The following CDC73 variants were observed in gnomAD, a reference collection of about 807,000 sequenced individuals.
The protein encoded by CDC73 is parafibromin.
A neutral mutation model predicts 83.7 loss-of-function variants in CDC73; 21 were observed. That is an observed-to-expected ratio of 0.25 (90% confidence interval 0.18 to 0.36). The LOEUF (loss-of-function observed/expected upper bound fraction) is 0.36. Ranked by LOEUF, CDC73 falls within the 10% of genes least tolerant of loss-of-function variation. The probability of loss-of-function intolerance (pLI) is 1.00; values close to 1 mark genes in which losing one functional copy is unlikely to be tolerated. For synonymous variants in CDC73, 224 were observed against 212.9 expected (o/e 1.05, Z -0.45); for missense variants, 342 against 653.3 (o/e 0.52, Z 5.19).
At chr1:193,182,285 C>G (rs1374180769) in intron 10 of CDC73, among the ~76,000 whole-genome samples, 4 of 152,088 alleles carry the variant, frequency 2.6e-5, no homozygotes, top group African/African-American at 9.7e-5. Flanking sequence ...CTAGTAACTT[C>G]AGTGTAGGAT....
chr1:193,153,264 C>T (rs955098428), intron 10 of CDC73, among the ~76,000 whole-genome samples: 7 of 152,088 alleles, frequency 4.6e-5, no homozygotes, highest in African/African-American at 1.7e-4. Context: ...CCATATTTAA[C>T]ATTTTAAATT....
chr1:193,240,733 A>G (rs1187097492), intron 15 of CDC73, among the ~76,000 whole-genome samples: 1 of 152,016 alleles, frequency 6.6e-6, no homozygotes, highest in African/African-American at 2.4e-5. Context: ...TTTCTTGCAT[A>G]TTAGTCCCTT....
intron 10 of CDC73, among the ~76,000 whole-genome samples, chr1:193,158,483 G>A (rs911118044): frequency 1.4e-5 from 2 of 145,512 alleles, no homozygotes; most frequent in Non-Finnish European, 1.5e-5. Context: ...GCAAAGCAGC[G>A]AGACCCTGTC....
rs987442471 is a variant in CDC73 at position 193,140,125 on chromosome 1, C to T, written c.513-1725C>T. Reference sequence around the variant, plus strand: ...GCTCAGCTCTACATGGGTTCTCCTCCCAAGGCCATGTCTTGGAAACTTACA... The same window carrying T: ...GCTCAGCTCTACATGGGTTCTCCTCTCAAGGCCATGTCTTGGAAACTTACA... On this transcript the variant is annotated intron_variant, in intron 6 of 16. Coordinates refer to ENST00000367435, the MANE Select transcript of CDC73 (RefSeq NM_024529.5). Among the ~76,000 whole-genome samples, 81 of 152,148 alleles carry T rather than the reference C, an allele frequency of 5.3e-4. 1 individual carries two copies. Among genetic ancestry groups the T allele is most frequent in the African/African-American group, 1.8e-3 (74 of 41,428 alleles).
At chr1:193,132,273 C>T (rs567663805) in intron 3 of CDC73, among the ~76,000 whole-genome samples, 1 of 152,134 alleles carries the variant, frequency 6.6e-6, no homozygotes, top group Non-Finnish European at 1.5e-5. Context: ...CCTATGCTGT[C>T]CTCATTCAAT....
intron 13 of CDC73, among the ~76,000 whole-genome samples, chr1:193,216,225 G>T (rs1047654685): frequency 5.9e-5 from 9 of 151,996 alleles, no homozygotes; most frequent in African/African-American, 2.2e-4. Context: ...ACAGAGAAAA[G>T]ATCCCAATAA....
At chr1:193,204,978 AT>A (rs201809243) in intron 11 of CDC73, among the ~76,000 whole-genome samples, 31 of 151,424 alleles carry the variant, frequency 2.0e-4, no homozygotes, top group East Asian at 7.7e-4. Flanking sequence ...ATTCTGTATC[AT>A]TTTTTTTTAA....
rs1434633784 is a variant in CDC73, at chr1:193,253,584, A to G, written c.*2872A>G. On this transcript the variant is annotated 3_prime_UTR_variant, in exon 17 of 17. Coordinates refer to ENST00000367435, the MANE Select transcript of CDC73 (RefSeq NM_024529.5). ...ATGTATTTCATTATTAACTAGTATT[A>G]TAGTTTGTTTTTTTCCCATGTCTCC... 8.6e-6 allele frequency: 2 copies of G among 231,862 alleles called. No homozygotes were observed. Among genetic ancestry groups the G allele is most frequent in the Non-Finnish European group, 1.7e-5 (2 of 117,326 alleles). 14.4% of individuals were successfully genotyped at this position (231,862 alleles called of 1,614,324 possible).
chr1:193,129,226 G>A (rs1048118043), intron 2 of CDC73, among the ~76,000 whole-genome samples: 2 of 151,882 alleles, frequency 1.3e-5, no homozygotes, highest in Admixed American at 1.3e-4. Context: ...TTGAACTCCC[G>A]ACCTCATGAT....
At chr1:193,185,091 T>C (rs373692403) in intron 10 of CDC73, among the ~76,000 whole-genome samples, 1 of 152,088 alleles carries the variant, frequency 6.6e-6, no homozygotes, top group Admixed American at 6.6e-5. Flanking sequence ...CATATTAATA[T>C]AGCCTGGAAG....
At chr1:193,188,934 CCTCTTT>C (rs1426511745) in intron 10 of CDC73, among the ~76,000 whole-genome samples, 1 of 151,910 alleles carries the variant, frequency 6.6e-6, no homozygotes, top group African/African-American at 2.4e-5. Flanking sequence ...ACAGCTGCAA[CCTCTTT>C]CTTTCTGTCT....
At chr1:193,177,242 GGCCGGGC>G (rs1351753251) in intron 10 of CDC73, among the ~76,000 whole-genome samples, 1 of 150,864 alleles carries the variant, frequency 6.6e-6, no homozygotes, top group Non-Finnish European at 1.5e-5. Flanking sequence ...CATGATCCTC[GGCCGGGC>G]GCGGTGGCTC....
chr1:193,188,427 G>A (rs749729619), intron 10 of CDC73, among the ~76,000 whole-genome samples: 2 of 151,234 alleles, frequency 1.3e-5, no homozygotes, highest in Admixed American at 1.3e-4. Flanking sequence ...ACATGGCACT[G>A]CTAGAGAAAT....
intron 7 of CDC73, among the ~76,000 whole-genome samples, chr1:193,144,602 TTGA>T (rs971902580): frequency 6.6e-6 from 1 of 152,190 alleles, no homozygotes; most frequent in African/African-American, 2.4e-5. Context: ...ACGAATGTCC[TTGA>T]TGACGTTTTT....
At chr1:193,142,158 T>A in intron 7 of CDC73, 92 bp downstream of exon 7, 6 of 1,097,766 alleles carry the variant, frequency 5.5e-6, no homozygotes, top group Non-Finnish European at 8.2e-6. Flanking sequence ...AAACTTTGCT[T>A]TTAGGTGGAA....
intron 10 of CDC73, chr1:193,161,323 C>A (rs2103140660): frequency 5.8e-6 from 1 of 172,210 alleles, no homozygotes; most frequent in Admixed American, 6.4e-5. Context: ...GCACTGAATC[C>A]ATTGAAGACA....
At chr1:193,169,900 G>A (rs1676491745) in intron 10 of CDC73, among the ~76,000 whole-genome samples, 1 of 151,822 alleles carries the variant, frequency 6.6e-6, no homozygotes, top group Non-Finnish European at 1.5e-5. Context: ...TCATCACCCA[G>A]GTATTAAGCC....
chr1:193,242,537 G>C (rs549210926), intron 15 of CDC73, among the ~76,000 whole-genome samples: 1 of 152,050 alleles, frequency 6.6e-6, no homozygotes, highest in Non-Finnish European at 1.5e-5. Context: ...TCACTGTTTT[G>C]GTTCTTTTTG....
At chr1:193,214,574 C>A (rs1395672694) in intron 13 of CDC73, among the ~76,000 whole-genome samples, 3 of 152,016 alleles carry the variant, frequency 2.0e-5, no homozygotes, top group Non-Finnish European at 4.4e-5. Flanking sequence ...AAAAAATTAG[C>A]CGGGCATGGT....
Sources: gnomAD v4.1 joint callset for allele counts (sites outside exome capture counted in the v4.1 genomes callset) on GRCh38, gnomAD v4.1.1 for gene constraint, MANE v1.5 for transcripts, NCBI Gene and HGNC (gene_info 2026-07-23, HGNC 2026-07-21) for gene names.